IGFBP5: variants seen among roughly 807,000 people sequenced by gnomAD.
IGFBP5 encodes insulin like growth factor binding protein 5.
A neutral mutation model predicts 28.0 loss-of-function variants in IGFBP5; 12 were observed. That is an observed-to-expected ratio of 0.43 (90% confidence interval 0.27 to 0.69). The LOEUF (loss-of-function observed/expected upper bound fraction) is 0.69. Among genes scored for constraint, IGFBP5 ranks in the 30% least tolerant of loss-of-function variants. IGFBP5 has a pLI of 0.20. For missense variants in IGFBP5, 344 were observed against 381.6 expected, an observed-to-expected ratio of 0.90 and a Z score of 0.82; for synonymous variants, 152 against 150.2, an observed-to-expected ratio of 1.01 and a Z score of -0.09.
Position 216,694,418 on chromosome 2 carries a change from T to C in IGFBP5, c.337+21A>G, listed in dbSNP as rs1689142062. The C allele has an allele frequency of 2.0e-6, 3 of 1,492,648 alleles. No homozygotes were observed. The highest frequency in any genetic ancestry group is 2.6e-5 in the South Asian group (2 of 76,214). The allele number at this position is 1,492,648 out of a possible 1,614,324, so 92.5% of individuals were successfully genotyped here. ...CCCGCCCGTGCGCCGCGTAACTGAC[T>C]GGCACACTGAGCGCGCTCACCGATC... On this transcript the variant is annotated intron_variant, in intron 1 of 3. Coordinates refer to ENST00000233813, the MANE Select transcript of IGFBP5 (RefSeq NM_000599.4). The surrounding 1 kb of genome is among the most constrained non-coding windows in gnomAD (Gnocchi z 5.2).
intron 1 of IGFBP5, among the ~76,000 whole-genome samples, chr2:216,693,202 CAGTCT>C (rs1689120984): frequency 6.6e-6 from 1 of 151,578 alleles, no homozygotes; most frequent in Admixed American, 6.6e-5. Flanking sequence ...AAAAGAAACT[CAGTCT>C]AAGGGGGTAG....
chr2:216,689,529 C>G (rs1179270687), intron 1 of IGFBP5, among the ~76,000 whole-genome samples: 1 of 152,222 alleles, frequency 6.6e-6, no homozygotes, highest in Non-Finnish European at 1.5e-5. Flanking sequence ...GGAGTGATAG[C>G]ATCTGGCAGT....
chr2:216,678,027 C>T, intron 3 of IGFBP5, 85 bp downstream of exon 3: 2 of 1,318,106 alleles, frequency 1.5e-6, no homozygotes, highest in Non-Finnish European at 2.0e-6. Flanking sequence ...CGGTGGAAAC[C>T]TTAGGCACTT....
rs1448594274 is a variant in IGFBP5 at position 216,674,123 on chromosome 2, G to A, written c.*2628C>T. The A allele has an allele frequency of 7.8e-5, 12 of 152,956 alleles. No individual in the cohort carries two copies. The highest frequency in any genetic ancestry group is 2.9e-4 in the African/African-American group (12 of 41,468). 9.5% of individuals were successfully genotyped at this position (152,956 alleles called of 1,614,324 possible). A position where few individuals can be genotyped will look rare whatever the true frequency, so the allele number is the denominator to read the frequency against. On this transcript the variant is annotated 3_prime_UTR_variant, in exon 4 of 4. Transcript: ENST00000233813. The surrounding 1 kb of genome is among the most constrained non-coding windows in gnomAD (Gnocchi z 4.4). ...CCAGGCTGGGAGGAATGTGGGGGGAGCTTGTAGTTCCTGGCTCAGTCTTTT... is the reference window on the plus strand; with the variant it reads ...CCAGGCTGGGAGGAATGTGGGGGGAACTTGTAGTTCCTGGCTCAGTCTTTT...
chr2:216,678,863 T>G lies in IGFBP5; in HGVS notation c.554A>C (p.Gln185Pro). Residue 185 changes from glutamine to proline, a missense_variant, in exon 2 of 4, where the codon CAG (glutamine) becomes CCG (proline). Gln to Pro is a moderately conservative substitution (Grantham distance 76). Around this residue, in one of 3 missense-constraint regions of IGFBP5, gnomAD observed 304 missense variants for 329.2 expected, o/e 0.92. Coordinates refer to ENST00000233813, the MANE Select transcript of IGFBP5 (RefSeq NM_000599.4). ...PRIISAPEMR[Q>P]ESEQGPCRRH... ...CCCGAGATGCACCTGCTCAGACTCC[T>G]GTCTCATCTCAGGTGCAGAGATGAT... The G allele has an allele frequency of 6.2e-7, 1 of 1,613,548 alleles. No homozygotes were observed. The highest frequency in any genetic ancestry group is 8.5e-7 in the Non-Finnish European group (1 of 1,179,456).
chr2:216,678,107 C>A lies in IGFBP5; in HGVS notation c.687+5G>T. On this transcript the variant is annotated splice_donor_5th_base_variant and intron_variant, in intron 3 of 3. Transcript: ENST00000233813. ...TGAGCCTGGAGCTCAGGGCAGGGGACGTACCTGCTTTCTCTTGTAGAATCC... is the reference window on the plus strand; with the variant it reads ...TGAGCCTGGAGCTCAGGGCAGGGGAAGTACCTGCTTTCTCTTGTAGAATCC... 1 of 1,502,806 alleles carries A rather than the reference C, an allele frequency of 6.7e-7. No individual in the cohort carries two copies. The highest frequency in any genetic ancestry group is 9.0e-7 in the Non-Finnish European group (1 of 1,115,354). 93.1% of individuals were successfully genotyped at this position (1,502,806 alleles called of 1,614,324 possible). A position where few individuals can be genotyped will look rare whatever the true frequency, so the allele number is the denominator to read the frequency against.
chr2:216,688,870 C>G (rs756884868), intron 1 of IGFBP5, among the ~76,000 whole-genome samples: 1 of 152,200 alleles, frequency 6.6e-6, no homozygotes, highest in African/African-American at 2.4e-5. Context: ...GGAGCTGCCA[C>G]GGCCTCCAGG....
chr2:216,683,530 G>C (rs545449927), intron 1 of IGFBP5, among the ~76,000 whole-genome samples: 243 of 152,348 alleles, frequency 1.6e-3, no homozygotes, highest in Non-Finnish European at 3.1e-3. Flanking sequence ...CCATGTGTGG[G>C]AGAGTGAAGG....
In IGFBP5 at chr2:216,674,318, T is replaced by C. The variant is rs1688869880; in HGVS notation, c.*2433A>G. 1 of 153,554 alleles carries C rather than the reference T, an allele frequency of 6.5e-6. No individual in the cohort carries two copies. Among genetic ancestry groups the C allele is most frequent in the Middle Eastern group, 3.4e-3 (1 of 294 alleles). The allele number at this position is 153,554 out of a possible 1,614,324, so 9.5% of individuals were successfully genotyped here. On this transcript the variant is annotated 3_prime_UTR_variant, in exon 4 of 4. Coordinates refer to ENST00000233813, the MANE Select transcript of IGFBP5 (RefSeq NM_000599.4). The surrounding 1 kb of genome is among the most constrained non-coding windows in gnomAD (Gnocchi z 4.4). ...TTTAGGGGACAGCTGTGCAGAGAGATGGGGCATGCTGACTCGGCAGGTCAA... is the reference window on the plus strand; with the variant it reads ...TTTAGGGGACAGCTGTGCAGAGAGACGGGGCATGCTGACTCGGCAGGTCAA...
Position 216,694,842 on chromosome 2 carries a change from C to G in IGFBP5, c.-67G>C. 1 of 1,079,498 alleles carries G rather than the reference C, an allele frequency of 9.3e-7. No individual in the cohort carries two copies. The highest frequency in any genetic ancestry group is 3.2e-5 in the East Asian group (1 of 30,998). The allele number at this position is 1,079,498 out of a possible 1,614,324, so 66.9% of individuals were successfully genotyped here. A position where few individuals can be genotyped will look rare whatever the true frequency, so the allele number is the denominator to read the frequency against. ...AGCGAGAGTGCAGGGATAAAGGGGC[C>G]AAGAGGGCCCCCGGAGATTTTTTTG... On this transcript the variant is annotated 5_prime_UTR_variant, in exon 1 of 4. Coordinates refer to ENST00000233813, the MANE Select transcript of IGFBP5 (RefSeq NM_000599.4). This position sits in a 1 kb window ranked among gnomAD's most constrained non-coding sequence, Gnocchi z 5.2.
rs955771621 is a variant in IGFBP5, at chr2:216,694,838, G to C, written c.-63C>G. 1.4e-4 allele frequency: 155 copies of C among 1,088,570 alleles called. No homozygotes were observed. Among genetic ancestry groups the C allele is most frequent in the Admixed American group, 5.2e-4 (13 of 24,924 alleles). 67.4% of individuals were successfully genotyped at this position (1,088,570 alleles called of 1,614,324 possible). A position where few individuals can be genotyped will look rare whatever the true frequency, so the allele number is the denominator to read the frequency against. ...GGAGAGCGAGAGTGCAGGGATAAAGGGGCCAAGAGGGCCCCCGGAGATTTT... is the reference window on the plus strand; with the variant it reads ...GGAGAGCGAGAGTGCAGGGATAAAGCGGCCAAGAGGGCCCCCGGAGATTTT... On this transcript the variant is annotated 5_prime_UTR_variant, in exon 1 of 4. Coordinates refer to ENST00000233813, the MANE Select transcript of IGFBP5 (RefSeq NM_000599.4). The surrounding 1 kb of genome is among the most constrained non-coding windows in gnomAD (Gnocchi z 5.2).
In IGFBP5 at chr2:216,679,341, G is replaced by A. The variant is rs1036562183; in HGVS notation, c.338-262C>T. On this transcript the variant is annotated intron_variant, in intron 1 of 3. Coordinates refer to ENST00000233813, the MANE Select transcript of IGFBP5 (RefSeq NM_000599.4). This position sits in a 1 kb window ranked among gnomAD's most constrained non-coding sequence, Gnocchi z 4.6. ...AGGCTTCACAGAGGAGGAGAATCGA[G>A]AGACTGACAGACTGATGGGTGAGGA... 1.1e-5 allele frequency: 6 copies of A among 522,970 alleles called. No homozygotes were observed. The highest frequency in any genetic ancestry group is 5.7e-5 in the African/African-American group (3 of 52,206). The allele number at this position is 522,970 out of a possible 1,614,324, so 32.4% of individuals were successfully genotyped here. A position where few individuals can be genotyped will look rare whatever the true frequency, so the allele number is the denominator to read the frequency against.
Position 216,673,857 on chromosome 2 carries a change from A to G in IGFBP5, c.*2894T>C, listed in dbSNP as rs1267595885. 1 of 152,426 alleles carries G rather than the reference A, an allele frequency of 6.6e-6. No homozygotes were observed. Among genetic ancestry groups the G allele is most frequent in the Non-Finnish European group, 1.5e-5 (1 of 68,064 alleles). The allele number at this position is 152,426 out of a possible 1,614,324, so 9.4% of individuals were successfully genotyped here. ...TTGGGAGGCTTAGTTCCATGTGTCC[A>G]TGAAGGCCCAGCTTCTCTGGGGAGT... is the stretch of plus-strand genomic sequence containing the variant. On this transcript the variant is annotated 3_prime_UTR_variant, in exon 4 of 4. Transcript: ENST00000233813. This position sits in a 1 kb window ranked among gnomAD's most constrained non-coding sequence, Gnocchi z 4.3.
In IGFBP5 at chr2:216,678,383, C is replaced by T. The variant is rs532191509; in HGVS notation, c.568-152G>A. The T allele has an allele frequency of 7.9e-6, 6 of 761,976 alleles. No individual in the cohort carries two copies. In the South Asian group the frequency reaches 1.7e-4, roughly 22 times the overall value. The allele number at this position is 761,976 out of a possible 1,614,324, so 47.2% of individuals were successfully genotyped here. Reference sequence around the variant, plus strand: ...CATCTGCTACCAAAGATCTTTCCTCCCTGTCACCTGTCACGTGCGCTGGGA... The same window carrying T: ...CATCTGCTACCAAAGATCTTTCCTCTCTGTCACCTGTCACGTGCGCTGGGA... On this transcript the variant is annotated intron_variant, in intron 2 of 3. Coordinates refer to ENST00000233813, the MANE Select transcript of IGFBP5 (RefSeq NM_000599.4).
Position 216,678,207 on chromosome 2 carries a change from C to T in IGFBP5, c.592G>A (p.Ala198Thr). 6.3e-7 allele frequency: 1 copy of T among 1,588,704 alleles called. No homozygotes were observed. Among genetic ancestry groups the T allele is most frequent in the Non-Finnish European group, 8.6e-7 (1 of 1,165,110 alleles). ...CTGGCTTTGAGCTCCTGCAGGGAAG[C>T]CTCCATGTGTCTGCGGCAGGGGCCC... ...EQGPCRRHME[A>T]SLQELKASPR... Residue 198 changes from alanine to threonine, a missense_variant, in exon 3 of 4, where the codon GCT becomes ACT. Physicochemically the swap from Ala to Thr is moderately conservative, Grantham distance 58 (BLOSUM62 0). Transcript: ENST00000233813.
At chr2:216,685,027 TA>T (rs1231826811) in intron 1 of IGFBP5, among the ~76,000 whole-genome samples, 2 of 152,216 alleles carry the variant, frequency 1.3e-5, no homozygotes, top group Non-Finnish European at 2.9e-5. Context: ...CTCACGCCTG[TA>T]ATCCCAGCAC....
At position 216,678,839 on chromosome 2, in the gene IGFBP5, C is replaced by T. The variant is rs1452273570; in HGVS notation, c.567+11G>A. 4 of 1,605,576 alleles carry T rather than the reference C, an allele frequency of 2.5e-6. No homozygotes were observed. The highest frequency in any genetic ancestry group is 1.7e-5 in the Admixed American group (1 of 59,738). On this transcript the variant is annotated intron_variant, in intron 2 of 3. Coordinates refer to ENST00000233813, the MANE Select transcript of IGFBP5 (RefSeq NM_000599.4). ...AAGCTGGGAGGGAATGAGGGAATCC[C>T]CGAGATGCACCTGCTCAGACTCCTG...
At chr2:216,686,923 TG>T (rs896161206) in intron 1 of IGFBP5, among the ~76,000 whole-genome samples, 2 of 152,052 alleles carry the variant, frequency 1.3e-5, no homozygotes, top group Non-Finnish European at 2.9e-5. Context: ...TTTTCTCACC[TG>T]TGTTATGGGG....
At position 216,690,548 on chromosome 2, in the gene IGFBP5, G is replaced by C. The variant is rs529250670; in HGVS notation, c.337+3891C>G. On this transcript the variant is annotated intron_variant, in intron 1 of 3. Transcript: ENST00000233813. ...GCCAGGGCTTCTGCAGGGAATTCCT[G>C]CTCCCATGCCCTTTGCTGTAACCCT... 6.6e-5 allele frequency among the ~76,000 whole-genome samples: 10 copies of C among 152,234 alleles called. No individual in the cohort carries two copies. In the East Asian group the frequency reaches 1.9e-3, roughly 29 times the overall value.
Sources: allele counts gnomAD v4.1 joint callset (sites outside exome capture counted in the v4.1 genomes callset), GRCh38; gene constraint gnomAD v4.1.1; regional missense constraint gnomAD v4.1.1; non-coding constraint Gnocchi (gnomAD v3.1); transcripts MANE v1.5; gene names NCBI Gene and HGNC (gene_info 2026-07-23, HGNC 2026-07-21).